Variants in STK10 observed in about 807,000 individuals in gnomAD.
The protein encoded by STK10 is serine/threonine kinase 10.
Under a neutral mutation model 113.8 loss-of-function variants are expected in STK10, and 78 were observed. The observed-to-expected ratio is 0.69, with a 90% CI of 0.57 to 0.83. The LOEUF (loss-of-function observed/expected upper bound fraction) is 0.83. Ranked by LOEUF, STK10 falls within the 40% of genes least tolerant of loss-of-function variation. The probability of loss-of-function intolerance (pLI) is 0.00; values close to 1 mark genes in which losing one functional copy is unlikely to be tolerated. For synonymous variants in STK10, 465 were observed against 494.7 expected, an observed-to-expected ratio of 0.94 and a Z score of 0.80; for missense variants, 1,109 against 1,280.1, an observed-to-expected ratio of 0.87 and a Z score of 2.04.
chr5:172,112,044 G>A (rs191855473), intron 4 of STK10, among the ~76,000 whole-genome samples: 2 of 152,314 alleles, frequency 1.3e-5, no homozygotes, highest in African/African-American at 4.8e-5. Context: ...GAGCTTCATT[G>A]CTGAATGGTT....
At position 172,117,550 on chromosome 5, in the gene STK10, T is replaced by C; in HGVS notation, c.451A>G (p.Lys151Glu). 1 of 1,613,048 alleles carries C rather than the reference T, an allele frequency of 6.2e-7. No individual in the cohort carries two copies. Among genetic ancestry groups the C allele is most frequent in the Non-Finnish European group, 8.5e-7 (1 of 1,179,732 alleles). Residue 151 changes from lysine (K) to glutamate (E), a missense_variant, in exon 4 of 19, where the codon AAG (lysine) becomes GAG (glutamate). Lys to Glu is a moderately conservative substitution (Grantham distance 56). Transcript: ENST00000176763. ...TTCAGATCTCGGTGGATGATCCTCT[T>C]GCTGTGCAGGAAGTTGAGGGCTTCT... ...MLEALNFLHS[K>E]RIIHRDLKAG... is the part of the protein sequence containing the mutation.
chr5:172,093,789 G>A lies in STK10; in HGVS notation c.1177C>T (p.Pro393Ser). Residue 393 changes from proline (P) to serine (S), a missense_variant, in exon 9 of 19, where the codon CCC becomes TCC. This residue lies in a region of STK10 where 885 missense variants were observed against 991.1 expected (regional missense o/e 0.89). Coordinates refer to ENST00000176763, the MANE Select transcript of STK10 (RefSeq NM_005990.4). This position sits in a 1 kb window ranked among gnomAD's most constrained non-coding sequence, Gnocchi z 4.1. ...TCATTTCCAGGGGCCACGACTGGGGGACTGGTGGTTTGGAGGGATCTGTCC... is the reference window on the plus strand; with the variant it reads ...TCATTTCCAGGGGCCACGACTGGGGAACTGGTGGTTTGGAGGGATCTGTCC... ...SGDRSLQTTSPPVVAPGNENG... is the reference protein window; with the variant it reads ...SGDRSLQTTSSPVVAPGNENG... 1.2e-6 allele frequency: 2 copies of A among 1,609,102 alleles called. No individual in the cohort carries two copies. Among genetic ancestry groups the A allele is most frequent in the South Asian group, 2.2e-5 (2 of 90,782 alleles).
chr5:172,166,100 T>G (rs1770567257), intron 1 of STK10, among the ~76,000 whole-genome samples: 3 of 152,232 alleles, frequency 2.0e-5, no homozygotes. Context: ...GCCAGTTGTT[T>G]GCATTTTTGC....
intron 1 of STK10, among the ~76,000 whole-genome samples, chr5:172,175,323 T>C (rs956365831): frequency 1.3e-5 from 2 of 151,610 alleles, no homozygotes; most frequent in Admixed American, 1.3e-4. Flanking sequence ...AGGGAAAAAA[T>C]GCATCACAGG....
chr5:172,121,745 T>C (rs4868142), intron 3 of STK10, among the ~76,000 whole-genome samples: 3 of 152,126 alleles, frequency 2.0e-5, no homozygotes, highest in African/African-American at 7.2e-5. Context: ...TTTTTGTTTT[T>C]TGGAGACAGA....
chr5:172,179,545 C>T (rs1770813859), intron 1 of STK10, among the ~76,000 whole-genome samples: 1 of 152,146 alleles, frequency 6.6e-6, no homozygotes, highest in Admixed American at 6.6e-5. Context: ...GCTTTCGCAT[C>T]AGCCAAAAAA....
intron 10 of STK10, among the ~76,000 whole-genome samples, chr5:172,086,494 G>A (rs1003634686): frequency 2.1e-4 from 32 of 152,222 alleles, no homozygotes; most frequent in African/African-American, 7.7e-4. Context: ...CAGAAGGAAA[G>A]GCAAGCAAAG....
Position 172,107,773 on chromosome 5 carries a change from G to A in STK10, c.593+7C>T, listed in dbSNP as rs373618337. On this transcript the variant is annotated splice_region_variant and intron_variant, in intron 5 of 18. Coordinates refer to ENST00000176763, the MANE Select transcript of STK10 (RefSeq NM_005990.4). ...TCCATTCCATTTCCAGAAGCTACAC[G>A]ACTCACCAGTAAGGCGTGCCGATGA... 14 of 1,613,600 alleles carry A rather than the reference G, an allele frequency of 8.7e-6. No individual in the cohort carries two copies. The highest frequency in any genetic ancestry group is 3.3e-5 in the South Asian group (3 of 91,032).
chr5:172,116,046 C>T (rs1211241911), intron 4 of STK10, among the ~76,000 whole-genome samples: 1 of 152,122 alleles, frequency 6.6e-6, no homozygotes, highest in Non-Finnish European at 1.5e-5. Context: ...GTTTATTGAG[C>T]ACCAACTATG....
At chr5:172,152,604 G>C (rs1038718574) in intron 2 of STK10, among the ~76,000 whole-genome samples, 37 of 152,220 alleles carry the variant, frequency 2.4e-4, no homozygotes, top group African/African-American at 8.7e-4. Flanking sequence ...CGACGGTAGA[G>C]ACCTAAATGT....
chr5:172,089,692 G>A (rs755720631), intron 10 of STK10, among the ~76,000 whole-genome samples: 15 of 151,942 alleles, frequency 9.9e-5, no homozygotes, highest in Admixed American at 4.6e-4. Context: ...AAGGATGGGT[G>A]GATTGTTAGG....
Position 172,062,272 on chromosome 5 carries a change from T to TA in STK10, c.2083-1005dup, listed in dbSNP as rs541601689. On this transcript the variant is annotated intron_variant, in intron 13 of 18. Coordinates refer to ENST00000176763, the MANE Select transcript of STK10 (RefSeq NM_005990.4). ...GTTTTTAATTTTCCATAATAAAGGG[T>TA]AAAAAAAATTAAAATAAAAAAATTT... is the stretch of plus-strand genomic sequence containing the variant. 5.0e-3 allele frequency among the ~76,000 whole-genome samples: 763 copies of TA among 151,952 alleles called. 5 individuals are homozygous for TA. Among genetic ancestry groups the TA allele is most frequent in the African/African-American group, 0.017 (714 of 41,456 alleles).
intron 18 of STK10, among the ~76,000 whole-genome samples, chr5:172,048,414 TACACACACACACACACAC>T (rs370301917): frequency 7.8e-6 from 1 of 128,394 alleles, no homozygotes; most frequent in Non-Finnish European, 1.6e-5. Context: ...TCCCTCTCCC[TACACACACACACACACAC>T]ACACACACAC....
At chr5:172,107,670 A>G (rs1769146092) in intron 5 of STK10, 110 bp downstream of exon 5, 2 of 607,462 alleles carry the variant, frequency 3.3e-6, no homozygotes, top group Admixed American at 7.7e-5. Flanking sequence ...GCCACGAGGC[A>G]GGGCGTGTAG....
rs1374360322 is a variant in STK10 at position 172,043,395 on chromosome 5, G to C, written c.*1487C>G. On this transcript the variant is annotated 3_prime_UTR_variant, in exon 19 of 19. Coordinates refer to ENST00000176763, the MANE Select transcript of STK10 (RefSeq NM_005990.4). ...ATCTGTAGGAGTGAAGGCGGAAAAA[G>C]TCCTCCCAGGAAGTCTCAACCACTC... is the stretch of plus-strand genomic sequence containing the variant. 6.6e-6 allele frequency: 1 copy of C among 152,094 alleles called. No individual in the cohort carries two copies. The highest frequency in any genetic ancestry group is 6.6e-5 in the Admixed American group (1 of 15,258). The allele number at this position is 152,094 out of a possible 1,614,324, so 9.4% of individuals were successfully genotyped here.
chr5:172,073,614 A>T (rs949727523), intron 12 of STK10, among the ~76,000 whole-genome samples: 9 of 151,890 alleles, frequency 5.9e-5, no homozygotes, highest in South Asian at 2.1e-4. Flanking sequence ...GATTTTTTTT[A>T]AAAAGTATGT....
chr5:172,069,254 T>TA lies in STK10; in HGVS notation c.1990-4443dup, dbSNP rs1331789774. Among the ~76,000 whole-genome samples the TA allele has an allele frequency of 2.0e-5, 3 of 151,690 alleles. No individual in the cohort carries two copies. The East Asian group carries it at 5.8e-4, about 29-fold the overall frequency. ...AAAAACAAAGATTTTCAGATGGGAT[T>TA]AAAAAAAATGAAAGCACAACTATAT... On this transcript the variant is annotated intron_variant, in intron 12 of 18. Coordinates refer to ENST00000176763, the MANE Select transcript of STK10 (RefSeq NM_005990.4).
chr5:172,115,379 G>T (rs552222109), intron 4 of STK10, among the ~76,000 whole-genome samples: 6 of 152,312 alleles, frequency 3.9e-5, no homozygotes, highest in African/African-American at 1.4e-4. Context: ...GGTATCCTGA[G>T]CTTGGTGGAG....
rs946256417 is a variant in STK10 at position 172,156,392 on chromosome 5, G to C, written c.321+232C>G. Among the ~76,000 whole-genome samples, 5 of 152,336 alleles carry C rather than the reference G, an allele frequency of 3.3e-5. No individual in the cohort carries two copies. The East Asian group carries it at 7.7e-4, about 24-fold the overall frequency. Reference sequence around the variant, plus strand: ...CTTGTAAACAGCAGGGCTGGGATTCGAGGCCAGGCCATAGCGCTTTCTGTT... The same window carrying C: ...CTTGTAAACAGCAGGGCTGGGATTCCAGGCCAGGCCATAGCGCTTTCTGTT... On this transcript the variant is annotated intron_variant, in intron 2 of 18. Coordinates refer to ENST00000176763, the MANE Select transcript of STK10 (RefSeq NM_005990.4).
Sources: gnomAD v4.1 joint callset for allele counts (sites outside exome capture counted in the v4.1 genomes callset) on GRCh38, gnomAD v4.1.1 for gene constraint, gnomAD v4.1.1 regional missense constraint, Gnocchi (gnomAD v3.1) non-coding constraint, MANE v1.5 for transcripts, NCBI Gene and HGNC (gene_info 2026-07-23, HGNC 2026-07-21) for gene names.